AFF2: variants seen among roughly 807,000 people sequenced by gnomAD.
AFF2 encodes ALF transcription elongation factor 2, also known as AF4/FMR2 family member 2.
AFF2 carries 14 observed loss-of-function variants against 76.9 expected under a neutral mutation model. The observed-to-expected ratio is 0.18, with a 90% CI of 0.12 to 0.28. The LOEUF (loss-of-function observed/expected upper bound fraction) is 0.28, where lower values mean the gene tolerates loss of function less well. Ranked by LOEUF, AFF2 falls within the 10% of genes least tolerant of loss-of-function variation. AFF2 has a pLI of 1.00. For missense variants in AFF2, 868 were observed against 1,001.1 expected, an observed-to-expected ratio of 0.87 and a Z score of 1.79; for synonymous variants, 398 against 366.7, an observed-to-expected ratio of 1.09 and a Z score of -0.98.
intron 3 of AFF2, among the ~76,000 whole-genome samples, chrX:148,685,170 C>A (rs376957141): frequency 2.7e-5 from 3 of 111,572 alleles, no homozygotes; most frequent in Non-Finnish European, 5.6e-5. Flanking sequence ...GAACTACAGT[C>A]CTGGAGTGAG....
intron 3 of AFF2, among the ~76,000 whole-genome samples, chrX:148,700,842 A>G (rs2054781564): frequency 9.0e-6 from 1 of 111,494 alleles, no homozygotes; most frequent in Non-Finnish European, 1.9e-5. Flanking sequence ...TCCTGTCAAA[A>G]TGCCTTCTGT....
chrX:148,551,536 TG>T (rs2124288483), intron 1 of AFF2, among the ~76,000 whole-genome samples: 1 of 105,308 alleles, frequency 9.5e-6, no homozygotes, highest in Non-Finnish European at 1.9e-5. Context: ...GAAAAGAGAT[TG>T]GGCAAAAGTT....
At chrX:148,782,551 G>A (rs1383763786) in intron 3 of AFF2, among the ~76,000 whole-genome samples, 3 of 111,961 alleles carry the variant, frequency 2.7e-5, no homozygotes, top group Non-Finnish European at 3.8e-5. Context: ...TCTCTTTAAG[G>A]AATTAAGGAT....
At chrX:148,822,707 GT>G (rs2070343520) in intron 4 of AFF2, among the ~76,000 whole-genome samples, 1 of 19,656 alleles carries the variant, frequency 5.1e-5, no homozygotes, top group Non-Finnish European at 8.5e-4. Context: ...CCTCCAGGGT[GT>G]GTGTGTGTGT....
At chrX:148,655,979 C>A (rs2054247542) in intron 2 of AFF2, among the ~76,000 whole-genome samples, 1 of 111,944 alleles carries the variant, frequency 8.9e-6, no homozygotes, top group Non-Finnish European at 1.9e-5. Flanking sequence ...ACCCTGAAGC[C>A]TAAAACAAGG....
At chrX:148,978,519 G>T in intron 18 of AFF2, 64 bp downstream of exon 18, 1 of 796,807 alleles carries the variant, frequency 1.3e-6, no homozygotes. Flanking sequence ...GACACGACAT[G>T]CAGGTTATCG....
intron 1 of AFF2, among the ~76,000 whole-genome samples, chrX:148,593,407 G>A (rs2053541633): frequency 8.9e-6 from 1 of 111,919 alleles, no homozygotes; most frequent in Admixed American, 9.5e-5. Flanking sequence ...GAATCACCCA[G>A]AGAGGGTTGA....
intron 3 of AFF2, among the ~76,000 whole-genome samples, chrX:148,678,094 C>G (rs1264027347): frequency 8.9e-6 from 1 of 112,149 alleles, no homozygotes; most frequent in Non-Finnish European, 1.9e-5. Context: ...TGCAGTCAGT[C>G]TCAGTTCTCA....
At chrX:148,794,077 C>A (rs985636773) in intron 3 of AFF2, among the ~76,000 whole-genome samples, 1 of 112,334 alleles carries the variant, frequency 8.9e-6, no homozygotes, top group African/African-American at 3.2e-5. Context: ...GCCTCTGCTG[C>A]ACCTGTAGTA....
intron 3 of AFF2, among the ~76,000 whole-genome samples, chrX:148,743,033 T>C (rs2066351582): frequency 8.9e-6 from 1 of 112,183 alleles, no homozygotes; most frequent in African/African-American, 3.2e-5. Flanking sequence ...GTTCACCTGT[T>C]TATAGCTCTA....
chrX:148,590,816 A>T (rs895205985), intron 1 of AFF2, among the ~76,000 whole-genome samples: 10 of 112,149 alleles, frequency 8.9e-5, no homozygotes, highest in African/African-American at 2.9e-4. Flanking sequence ...TTTCATTATG[A>T]TTTCATAGAG....
chrX:148,710,448 T>G (rs782710722), intron 3 of AFF2, among the ~76,000 whole-genome samples: 56 of 112,016 alleles, frequency 5.0e-4, no homozygotes, highest in Non-Finnish European at 1.7e-4. Context: ...ATTTAAATTC[T>G]TATGATTTTA....
chrX:148,803,102 G>A (rs1450630900), intron 3 of AFF2, among the ~76,000 whole-genome samples: 1 of 111,260 alleles, frequency 9.0e-6, no homozygotes, highest in African/African-American at 3.3e-5. Flanking sequence ...ACAGAAGTGG[G>A]TATCCTGTAG....
At chrX:148,690,162 A>G (rs1254745068) in intron 3 of AFF2, among the ~76,000 whole-genome samples, 3 of 112,254 alleles carry the variant, frequency 2.7e-5, no homozygotes, top group Admixed American at 9.4e-5. Context: ...GTCTAGAATC[A>G]TAGATCTTAC....
rs1025631577 is a variant in AFF2 at position 148,581,730 on chromosome X, G to A, written c.48-70269G>A. Among the ~76,000 whole-genome samples the A allele has an allele frequency of 6.2e-5, 7 of 112,127 alleles. No homozygotes were observed. The East Asian group carries it at 2.0e-3, about 32-fold the overall frequency. ...TACACTTTTTTCCTGACTTGTTTGAGAATAAGTCACAGACATATTGAACAT... is the reference window on the plus strand; with the variant it reads ...TACACTTTTTTCCTGACTTGTTTGAAAATAAGTCACAGACATATTGAACAT... On this transcript the variant is annotated intron_variant, in intron 1 of 20. Transcript: ENST00000370460.
intron 1 of AFF2, among the ~76,000 whole-genome samples, chrX:148,619,242 A>G (rs1163599034): frequency 1.8e-5 from 2 of 111,167 alleles, no homozygotes; most frequent in Non-Finnish European, 3.8e-5. Flanking sequence ...TCCTGGGGCT[A>G]CAGACTTTCT....
intron 3 of AFF2, among the ~76,000 whole-genome samples, chrX:148,735,677 T>A (rs1348873124): frequency 1.8e-5 from 2 of 111,007 alleles, no homozygotes; most frequent in Non-Finnish European, 3.8e-5. Flanking sequence ...CATGTGTAAG[T>A]TTTTTAGAGG....
chrX:148,533,316 G>A (rs936132566), intron 1 of AFF2, among the ~76,000 whole-genome samples: 7 of 109,344 alleles, frequency 6.4e-5, no homozygotes, highest in African/African-American at 2.3e-4. Flanking sequence ...TTTTTGAGAC[G>A]GAGTCTTGCT....
chrX:148,921,332 T>G (rs1161643966), intron 9 of AFF2, among the ~76,000 whole-genome samples: 1 of 112,267 alleles, frequency 8.9e-6, no homozygotes, highest in Non-Finnish European at 1.9e-5. Flanking sequence ...CACAGATTTT[T>G]GTAACAATCA....
Sources: allele counts gnomAD v4.1 joint callset (sites outside exome capture counted in the v4.1 genomes callset), GRCh38; gene constraint gnomAD v4.1.1; transcripts MANE v1.5; gene names NCBI Gene and HGNC (gene_info 2026-07-23, HGNC 2026-07-21).